Variants in NLRP1 observed in about 807,000 individuals in gnomAD.
NLRP1 encodes the protein NLR family pyrin domain containing 1.
In NLRP1, 94 loss-of-function variants were observed where a neutral mutation model predicts 136.7. That is an observed-to-expected ratio of 0.69 (90% CI 0.58 to 0.82). The LOEUF (loss-of-function observed/expected upper bound fraction) is 0.82, where lower values mean the gene tolerates loss of function less well. Among genes scored for constraint, NLRP1 ranks in the 40% least tolerant of loss-of-function variants. The probability of loss-of-function intolerance (pLI) is 0.00; values close to 1 mark genes in which losing one functional copy is unlikely to be tolerated. For missense variants in NLRP1, 1,575 were observed against 1,802.7 expected, an observed-to-expected ratio of 0.87 and a Z score of 2.29; for synonymous variants, 690 against 725.1, an observed-to-expected ratio of 0.95 and a Z score of 0.78.
chr17:5,529,954 G>C (rs764240319), intron 12 of NLRP1: 9 of 455,952 alleles, frequency 2.0e-5, no homozygotes, highest in South Asian at 1.4e-4. Flanking sequence ...AGTCTTTGGA[G>C]GTGACATAAA....
chr17:5,533,963 C>CA lies in NLRP1; in HGVS notation c.2985dup (p.Glu996Ter), dbSNP rs766927438. Reference sequence around the variant, plus strand: ...CTCATCTCTCCCGTATCCAGGCCCTCAGTAGGGGTCATCACACTTGGTTTC... The same window carrying CA: ...CTCATCTCTCCCGTATCCAGGCCCTCAAGTAGGGGTCATCACACTTGGTTTC... On this transcript the variant is annotated frameshift_variant, in exon 9 of 17. Coordinates refer to ENST00000572272, the MANE Select transcript of NLRP1 (RefSeq NM_033004.4). LOFTEE classifies it high-confidence loss of function. 3 of 1,612,946 alleles carry CA rather than the reference C, an allele frequency of 1.9e-6. No homozygotes were observed. In the South Asian group the frequency reaches 3.3e-5, roughly 18 times the overall value.
At chr17:5,548,802 T>G (rs900095519) in intron 5 of NLRP1, among the ~76,000 whole-genome samples, 2 of 152,196 alleles carry the variant, frequency 1.3e-5, no homozygotes, top group African/African-American at 4.8e-5. Flanking sequence ...TCTGCTCTGT[T>G]GGGTTCCATG....
Position 5,517,782 on chromosome 17 carries a change from C to G in NLRP1, c.4021G>C (p.Asp1341His). 1 of 1,614,244 alleles carries G rather than the reference C, an allele frequency of 6.2e-7. No homozygotes were observed. The highest frequency in any genetic ancestry group is 8.5e-7 in the Non-Finnish European group (1 of 1,180,050). ...AAGGCCTCCCACACCAGAGTCTCAT[C>G]TTTCTTGTCTTTCACTTGCAGCCTG... ...GIRLQVKDKK[D>H]ETLVWEALVK... is the part of the protein sequence containing the mutation. Residue 1341 changes from aspartate to histidine, a missense_variant, in exon 15 of 17, where the codon GAT (aspartate) becomes CAT (histidine). Transcript: ENST00000572272.
Position 5,539,598 on chromosome 17 carries a change from T to C in NLRP1, c.2700-13A>G. 6.2e-7 allele frequency: 1 copy of C among 1,600,156 alleles called. No homozygotes were observed. Among genetic ancestry groups the C allele is most frequent in the Non-Finnish European group, 8.5e-7 (1 of 1,173,758 alleles). On this transcript the variant is annotated splice_polypyrimidine_tract_variant and intron_variant, in intron 6 of 16. Coordinates refer to ENST00000572272, the MANE Select transcript of NLRP1 (RefSeq NM_033004.4). ...ACAGCTGACCAGCCTGCAGGAAAGA[T>C]ACACGCCAGCCCAGGTCATTGTCCT...
downstream of NLRP1, among the ~76,000 whole-genome samples, chr17:5,510,456 T>C (rs1377885544): frequency 1.3e-5 from 2 of 151,922 alleles, no homozygotes; most frequent in African/African-American, 4.8e-5. Flanking sequence ...GCCTCCCACG[T>C]ACAAGCAATT....
rs759324145 is a variant in NLRP1, at chr17:5,583,150, G to A, written c.272-304C>T. Among the ~76,000 whole-genome samples, 1 of 152,128 alleles carries A rather than the reference G, an allele frequency of 6.6e-6. No individual in the cohort carries two copies. Among genetic ancestry groups the A allele is most frequent in the Non-Finnish European group, 1.5e-5 (1 of 68,016 alleles). On this transcript the variant is annotated intron_variant, in intron 1 of 16. Coordinates refer to ENST00000572272, the MANE Select transcript of NLRP1 (RefSeq NM_033004.4). This position sits in a 1 kb window ranked among gnomAD's most constrained non-coding sequence, Gnocchi z 4.5. ...GTGCTTTATTGGGCCAACGGCATCT[G>A]CAACCCAGGGTGGCTAATAGTAATA...
At position 5,514,493 on chromosome 17, in the gene NLRP1, A is replaced by G; in HGVS notation, c.*261T>C. ...TAGGCTTGGCTGCTGTGGCCACCAG[A>G]TGAGGCTCTATGAGGTCTGCAGGGG... On this transcript the variant is annotated 3_prime_UTR_variant, in exon 17 of 17. Transcript: ENST00000572272. The G allele has an allele frequency of 3.0e-6, 4 of 1,339,112 alleles. No individual in the cohort carries two copies. The highest frequency in any genetic ancestry group is 3.8e-6 in the Non-Finnish European group (4 of 1,040,052). The allele number at this position is 1,339,112 out of a possible 1,614,324, so 83.0% of individuals were successfully genotyped here.
chr17:5,561,403 T>A (rs113818999), intron 3 of NLRP1, among the ~76,000 whole-genome samples: 3 of 145,124 alleles, frequency 2.1e-5, no homozygotes, highest in African/African-American at 8.6e-5. Context: ...TTGCTCTTGA[T>A]AGATCAAAAA....
At chr17:5,554,416 G>C (rs1296839212) in intron 4 of NLRP1, among the ~76,000 whole-genome samples, 1 of 152,120 alleles carries the variant, frequency 6.6e-6, no homozygotes, top group Non-Finnish European at 1.5e-5. Flanking sequence ...TCTATTTTCT[G>C]GTTGGATATC....
intron 5 of NLRP1, among the ~76,000 whole-genome samples, chr17:5,546,101 G>A (rs1597440022): frequency 6.6e-6 from 1 of 152,194 alleles, no homozygotes; most frequent in Admixed American, 6.5e-5. Flanking sequence ...CAGGTGAAGG[G>A]CACAGGCTTT....
chr17:5,536,975 T>TC, intron 7 of NLRP1, 35 bp from the exon 8 acceptor site: 1 of 1,498,070 alleles, frequency 6.7e-7, no homozygotes, highest in Non-Finnish European at 9.3e-7. Flanking sequence ...CCTCCTGGGA[T>TC]CCCCCATGTG....
exon 16 of NLRP1, chr17:5,501,722 A>G (rs1907093734): frequency 2.0e-6 from 2 of 1,021,408 alleles, no homozygotes; most frequent in Non-Finnish European, 3.1e-6. Flanking sequence ...ACCTAAGCCC[A>G]TTTCTCAGAC....
chr17:5,514,623 T>C lies in NLRP1; in HGVS notation c.*131A>G. 1 of 1,481,004 alleles carries C rather than the reference T, an allele frequency of 6.8e-7. No homozygotes were observed. The highest frequency in any genetic ancestry group is 9.0e-7 in the Non-Finnish European group (1 of 1,114,170). The allele number at this position is 1,481,004 out of a possible 1,614,324, so 91.7% of individuals were successfully genotyped here. A position where few individuals can be genotyped will look rare whatever the true frequency, so the allele number is the denominator to read the frequency against. On this transcript the variant is annotated 3_prime_UTR_variant, in exon 17 of 17. Transcript: ENST00000572272. ...GGACACATAATGCCCAGCAAAGGCA[T>C]CATCAAAGTTCCATTACTTTAGTGC... is the stretch of plus-strand genomic sequence containing the variant.
At position 5,581,951 on chromosome 17, in the gene NLRP1, C is replaced by T. The variant is rs201496500; in HGVS notation, c.560G>A (p.Gly187Glu). Residue 187 changes from glycine to glutamate, a missense_variant, in exon 3 of 17, where the codon GGA (glycine) becomes GAA (glutamate). By Grantham distance (98) the Gly-to-Glu change is moderately conservative. Transcript: ENST00000572272. ...TGCTAGGCTGGGCTGAGGTGGGGAT[C>T]CCCAGCTCCCCAGCACTGCTGTGGA... ...PTSTAVLGSW[G>E]SPPQPSLAPR... 4 of 1,613,672 alleles carry T rather than the reference C, an allele frequency of 2.5e-6. No individual in the cohort carries two copies. The highest frequency in any genetic ancestry group is 2.7e-5 in the African/African-American group (2 of 74,880).
chr17:5,527,103 A>G (rs11649976), intron 12 of NLRP1, among the ~76,000 whole-genome samples: 8,960 of 152,294 alleles, frequency 0.059, 312 homozygotes, highest in Middle Eastern at 0.099. Flanking sequence ...GGCTGGTCAC[A>G]GCTAGCTAAA....
chr17:5,521,598 G>T lies in NLRP1; in HGVS notation c.3709C>A (p.Leu1237Ile). The T allele has an allele frequency of 6.2e-7, 1 of 1,614,144 alleles. No homozygotes were observed. The change falls in exon 13 of 17, where the codon CTT becomes ATT. Residue 1237 changes from leucine to isoleucine, a missense_variant. Transcript: ENST00000572272. Reference protein sequence around the residue: ...RFIPVTSVVLLYHRVHPEEVT... With the variant: ...RFIPVTSVVLIYHRVHPEEVT... ...TCCTCAGGATGGACGCGGTGGTAAAGCAACACCACAGAGGTGACGGGAATG... is the reference window on the plus strand; with the variant it reads ...TCCTCAGGATGGACGCGGTGGTAAATCAACACCACAGAGGTGACGGGAATG...
At chr17:5,519,248 C>T (rs553634720) in intron 14 of NLRP1, among the ~76,000 whole-genome samples, 137 of 151,962 alleles carry the variant, frequency 9.0e-4, no homozygotes, top group Middle Eastern at 3.4e-3. Context: ...GTGATCCGCC[C>T]GCCTCAGCCT....
Position 5,559,454 on chromosome 17 carries a change from C to T in NLRP1, c.1242G>A (p.Glu414=). 1 of 1,613,498 alleles carries T rather than the reference C, an allele frequency of 6.2e-7. No individual in the cohort carries two copies. Among genetic ancestry groups the T allele is most frequent in the Non-Finnish European group, 8.5e-7 (1 of 1,179,802 alleles). The change falls in exon 4 of 17, where the codon GAG becomes GAA. Residue 414 remains glutamate, a synonymous_variant. Coordinates refer to ENST00000572272, the MANE Select transcript of NLRP1 (RefSeq NM_033004.4). ...RLLFILDGVD[E]PGWVLQEPSS... Reference sequence around the variant, plus strand: ...TCGGCTCCTGCAAGACCCATCCTGGCTCATCTACACCATCGAGGATGAAGA... The same window carrying T: ...TCGGCTCCTGCAAGACCCATCCTGGTTCATCTACACCATCGAGGATGAAGA...
chr17:5,520,196 G>A (rs1338091951), intron 14 of NLRP1, among the ~76,000 whole-genome samples: 1 of 152,146 alleles, frequency 6.6e-6, no homozygotes, highest in African/African-American at 2.4e-5. Flanking sequence ...ACCCTCAAAA[G>A]CTTGCCATTG....
Sources: allele counts gnomAD v4.1 joint callset (sites outside exome capture counted in the v4.1 genomes callset), GRCh38; gene constraint gnomAD v4.1.1; non-coding constraint Gnocchi (gnomAD v3.1); transcripts MANE v1.5; gene names NCBI Gene and HGNC (gene_info 2026-07-23, HGNC 2026-07-21).